CPNE4: variants seen among roughly 807,000 people sequenced by gnomAD.
CPNE4 encodes copine-4.
In CPNE4, 25 loss-of-function variants were observed where a neutral mutation model predicts 67.9. The ratio of observed to expected loss-of-function variants is 0.37; its 90% confidence interval spans 0.27 to 0.51. CPNE4 has a LOEUF of 0.51. CPNE4 is among the 20% of genes least tolerant of loss of function. CPNE4 has a pLI of 0.93. For synonymous variants in CPNE4, 242 were observed against 244.9 expected (o/e 0.99, Z 0.11); for missense variants, 464 against 690.8 (o/e 0.67, Z 3.68).
At chr3:131,623,228 G>GA (rs1004956735) in intron 7 of CPNE4, among the ~76,000 whole-genome samples, 6 of 133,894 alleles carry the variant, frequency 4.5e-5, no homozygotes, top group Non-Finnish European at 8.9e-5. Context: ...TACTTAAACT[G>GA]AAAAAAAAGA....
chr3:131,616,803 A>G (rs1940181865), intron 7 of CPNE4, among the ~76,000 whole-genome samples: 1 of 152,216 alleles, frequency 6.6e-6, no homozygotes, highest in African/African-American at 2.4e-5. Context: ...ATAAAAGAAA[A>G]AGGTATAGAG....
intron 6 of CPNE4, among the ~76,000 whole-genome samples, chr3:131,681,077 T>C (rs1583012662): frequency 6.6e-6 from 1 of 152,234 alleles, no homozygotes; most frequent in Non-Finnish European, 1.5e-5. Context: ...CTGATAGACA[T>C]TTGGGCTGTT....
At chr3:131,810,805 T>C (rs1385308814) in intron 2 of CPNE4, among the ~76,000 whole-genome samples, 3 of 151,740 alleles carry the variant, frequency 2.0e-5, no homozygotes, top group Non-Finnish European at 2.9e-5. Context: ...GATAGATGAG[T>C]GGATAAAGAA....
At chr3:131,735,334 A>G (rs572143212) in intron 2 of CPNE4, among the ~76,000 whole-genome samples, 120 of 152,224 alleles carry the variant, frequency 7.9e-4, no homozygotes, top group Non-Finnish European at 1.4e-3. Flanking sequence ...ACATTACTGC[A>G]TGTCCTCTAA....
chr3:131,903,453 T>G (rs1172116178), intron 2 of CPNE4, among the ~76,000 whole-genome samples: 2 of 152,028 alleles, frequency 1.3e-5, no homozygotes, highest in Non-Finnish European at 2.9e-5. Context: ...CTTATCCAAT[T>G]TGTTTGGATT....
intron 2 of CPNE4, among the ~76,000 whole-genome samples, chr3:131,861,402 TTGTGTGTGTGTG>T (rs5852659): frequency 0.025 from 3,649 of 144,454 alleles, 55 homozygotes; most frequent in South Asian, 0.034. Context: ...TATCTCATCT[TTGTGTGTGTGTG>T]TGTGTGTGTG....
intron 7 of CPNE4, among the ~76,000 whole-genome samples, chr3:131,616,252 GTGATAGC>G (rs146894381): frequency 0.053 from 8,056 of 152,228 alleles, 691 homozygotes; most frequent in African/African-American, 0.18. Context: ...TGAAAACAAT[GTGATAGC>G]TGAGTTGCCA....
chr3:131,806,996 A>G (rs763664268), intron 2 of CPNE4, among the ~76,000 whole-genome samples: 4 of 152,202 alleles, frequency 2.6e-5, no homozygotes, highest in Non-Finnish European at 5.9e-5. Flanking sequence ...GGAGAAAGAG[A>G]TAAGAGAAAG....
chr3:131,722,656 C>T (rs538993277), intron 3 of CPNE4, among the ~76,000 whole-genome samples: 58 of 152,302 alleles, frequency 3.8e-4, no homozygotes, highest in African/African-American at 1.3e-3. Flanking sequence ...TTGTAATGAA[C>T]TGCTCTATTT....
chr3:131,541,491 A>G (rs1419205824), intron 15 of CPNE4, among the ~76,000 whole-genome samples: 5 of 152,108 alleles, frequency 3.3e-5, no homozygotes, highest in Non-Finnish European at 7.4e-5. Context: ...GTAAGAGCCC[A>G]AGACTGTAAA....
intron 2 of CPNE4, among the ~76,000 whole-genome samples, chr3:131,729,352 G>A (rs2082074949): frequency 6.6e-6 from 1 of 152,076 alleles, no homozygotes; most frequent in African/African-American, 2.4e-5. Context: ...AAAAATAAAG[G>A]ATTTATTACA....
chr3:131,942,681 G>A (rs2071435969), intron 1 of CPNE4, among the ~76,000 whole-genome samples: 1 of 151,950 alleles, frequency 6.6e-6, no homozygotes, highest in South Asian at 2.1e-4. Flanking sequence ...CATTGCCCTG[G>A]AATCTTTTCT....
chr3:132,039,156 G>A (rs2074376993), upstream of CPNE4, among the ~76,000 whole-genome samples: 1 of 152,208 alleles, frequency 6.6e-6, no homozygotes, highest in Non-Finnish European at 1.5e-5. Flanking sequence ...TTGTTATATA[G>A]CACTGATCTA....
rs899247710 is a variant in CPNE4, at chr3:131,806,047, G to C, written c.181-82422C>G. Among the ~76,000 whole-genome samples the C allele has an allele frequency of 2.6e-5, 4 of 152,274 alleles. No homozygotes were observed. The East Asian group carries it at 5.8e-4, about 22-fold the overall frequency. ...TTAACATGCAGCTAGAACCATGCTA[G>C]TGAATAACTTAGATATTAGATACTG... On this transcript the variant is annotated intron_variant, in intron 2 of 15. Transcript: ENST00000429747.
chr3:131,580,779 A>G (rs1937775094), intron 9 of CPNE4, among the ~76,000 whole-genome samples: 2 of 152,202 alleles, frequency 1.3e-5, no homozygotes, highest in African/African-American at 4.8e-5. Flanking sequence ...GATTCTCTGC[A>G]AAGTTGTAGC....
intron 2 of CPNE4, among the ~76,000 whole-genome samples, chr3:131,787,828 G>A (rs1006910315): frequency 2.6e-5 from 4 of 152,202 alleles, no homozygotes; most frequent in Admixed American, 6.5e-5. Context: ...TCTGAAGACC[G>A]TACAGGACAT....
intron 6 of CPNE4, 48 bp from the exon 7 acceptor site, chr3:131,669,812 A>C (rs753958367): frequency 1.4e-6 from 2 of 1,397,496 alleles, no homozygotes; most frequent in Middle Eastern, 1.8e-4. Context: ...AATGCTTGAC[A>C]TTTTCACATT....
intron 2 of CPNE4, among the ~76,000 whole-genome samples, chr3:131,864,219 G>A (rs1374228684): frequency 6.6e-6 from 1 of 151,292 alleles, no homozygotes; most frequent in African/African-American, 2.4e-5. Context: ...GAACTTTAAA[G>A]TAGTTTTTTC....
At chr3:131,923,428 G>C (rs547614381) in intron 1 of CPNE4, among the ~76,000 whole-genome samples, 2 of 152,264 alleles carry the variant, frequency 1.3e-5, no homozygotes, top group Non-Finnish European at 2.9e-5. Context: ...GAACTGGCTG[G>C]GCGCAGTGGC....
Sources: gnomAD v4.1 joint callset for allele counts (sites outside exome capture counted in the v4.1 genomes callset) on GRCh38, gnomAD v4.1.1 for gene constraint, MANE v1.5 for transcripts, NCBI Gene and HGNC (gene_info 2026-07-23, HGNC 2026-07-21) for gene names.